Variants in CSMD1 observed in about 807,000 individuals in gnomAD.
The protein encoded by CSMD1 is CUB and Sushi multiple domains 1.
In CSMD1, 213 loss-of-function variants were observed where a neutral mutation model predicts 417.5. That is an observed-to-expected ratio of 0.51 (90% confidence interval 0.46 to 0.57). The LOEUF is 0.57. CSMD1 is among the 20% of genes least tolerant of loss of function. The pLI is 0.00. For missense variants in CSMD1, 6,923 were observed against 4,529.7 expected, an observed-to-expected ratio of 1.53 and a Z score of -15.17; for synonymous variants, 2,862 against 1,736.8, an observed-to-expected ratio of 1.65 and a Z score of -16.11.
intron 2 of CSMD1, among the ~76,000 whole-genome samples, chr8:4,552,973 T>G (rs1698503046): frequency 6.6e-6 from 1 of 152,238 alleles, no homozygotes; most frequent in African/African-American, 2.4e-5. Context: ...CTCTTGTACC[T>G]TGCTTATGTA....
intron 4 of CSMD1, among the ~76,000 whole-genome samples, chr8:4,031,170 C>A (rs981764563): frequency 3.9e-5 from 6 of 152,198 alleles, no homozygotes; most frequent in Non-Finnish European, 7.3e-5. Flanking sequence ...GTCGCTTCCA[C>A]ATCTTTTGGT....
chr8:3,761,646 T>G (rs1430695448), intron 5 of CSMD1, among the ~76,000 whole-genome samples: 3 of 151,880 alleles, frequency 2.0e-5, no homozygotes, highest in African/African-American at 7.3e-5. Flanking sequence ...TCTGGGATTA[T>G]AGGCACAAAC....
At chr8:2,960,562 G>T (rs995015284) in intron 62 of CSMD1, among the ~76,000 whole-genome samples, 1 of 152,166 alleles carries the variant, frequency 6.6e-6, no homozygotes, top group Non-Finnish European at 1.5e-5. Context: ...AACGTTCACT[G>T]AAGTGTTAGT....
chr8:3,995,378 C>T lies in CSMD1; in HGVS notation c.818+2525G>A, dbSNP rs548941188. Among the ~76,000 whole-genome samples, 4 of 145,620 alleles carry T rather than the reference C, an allele frequency of 2.7e-5. No homozygotes were observed. The East Asian group carries it at 8.0e-4, about 29-fold the overall frequency. ...ATAAACATTAAATGTTACACATACA[C>T]ACAAAACACTCTGTTGACCCACGAC... On this transcript the variant is annotated intron_variant, in intron 5 of 69. Transcript: ENST00000635120.
At chr8:3,518,102 A>G (rs563899835) in intron 10 of CSMD1, among the ~76,000 whole-genome samples, 1 of 152,250 alleles carries the variant, frequency 6.6e-6, no homozygotes, top group Non-Finnish European at 1.5e-5. Flanking sequence ...CAATATGACT[A>G]TAGATTATAA....
In CSMD1 at chr8:3,110,247, A is replaced by T. The variant is rs766030782; in HGVS notation, c.6519T>A (p.Ile2173=). 1 of 1,613,542 alleles carries T rather than the reference A, an allele frequency of 6.2e-7. No individual in the cohort carries two copies. The highest frequency in any genetic ancestry group is 8.5e-7 in the Non-Finnish European group (1 of 1,179,724). Residue 2173 remains isoleucine, a synonymous_variant, in exon 43 of 70, where the codon ATT becomes ATA. Transcript: ENST00000635120. ...PDEYPILKDC[I]WLITVPPGHG... ...GCCCTGGAGGCACCGTGATGAGCCA[A>T]ATGCAGTCCTTCAGGATCGGATACT...
At chr8:4,560,158 G>A (rs931093335) in intron 2 of CSMD1, among the ~76,000 whole-genome samples, 4 of 152,186 alleles carry the variant, frequency 2.6e-5, no homozygotes, top group Non-Finnish European at 5.9e-5. Context: ...TGAGAAAACC[G>A]CGCTCATCTC....
chr8:3,523,857 A>G (rs1369493577), intron 10 of CSMD1, among the ~76,000 whole-genome samples: 1 of 150,116 alleles, frequency 6.7e-6, no homozygotes, highest in Admixed American at 6.6e-5. Context: ...GTGCATGCGC[A>G]TGCACACACT....
At chr8:3,939,958 T>C (rs1810763859) in intron 5 of CSMD1, among the ~76,000 whole-genome samples, 1 of 151,972 alleles carries the variant, frequency 6.6e-6, no homozygotes, top group Non-Finnish European at 1.5e-5. Context: ...AAATCACCAC[T>C]AAAGAACTTA....
chr8:3,436,519 A>T (rs954890627), intron 12 of CSMD1, among the ~76,000 whole-genome samples: 14 of 152,306 alleles, frequency 9.2e-5, no homozygotes, highest in African/African-American at 3.1e-4. Flanking sequence ...AATTAAGTGT[A>T]ATGTTTAGTG....
chr8:4,665,720 G>A lies in CSMD1; in HGVS notation c.86-28162C>T, dbSNP rs529059413. ...TCTATTCCTCTTTGTTCTGAGTAGTGCTCTATGGTATGAATATTAAACAAT... is the reference window on the plus strand; with the variant it reads ...TCTATTCCTCTTTGTTCTGAGTAGTACTCTATGGTATGAATATTAAACAAT... On this transcript the variant is annotated intron_variant, in intron 1 of 69. Transcript: ENST00000635120. Among the ~76,000 whole-genome samples the A allele has an allele frequency of 1.4e-4, 21 of 152,238 alleles. No homozygotes were observed. The South Asian group carries it at 4.1e-3, about 30-fold the overall frequency.
chr8:4,978,936 G>C (rs1810720149), intron 1 of CSMD1, among the ~76,000 whole-genome samples: 1 of 152,170 alleles, frequency 6.6e-6, no homozygotes, highest in African/African-American at 2.4e-5. Context: ...ATTGGGAACA[G>C]TCAGCACAAA....
At chr8:4,633,649 C>T (rs1001954215) in intron 2 of CSMD1, among the ~76,000 whole-genome samples, 17 of 152,082 alleles carry the variant, frequency 1.1e-4, no homozygotes, top group Admixed American at 1.1e-3. Context: ...CTCCATTTCC[C>T]AGGTTCAAGT....
chr8:3,914,829 A>G (rs1186551765), intron 5 of CSMD1, among the ~76,000 whole-genome samples: 1 of 151,970 alleles, frequency 6.6e-6, no homozygotes, highest in Non-Finnish European at 1.5e-5. Flanking sequence ...GAGTGTCCTT[A>G]TGCTAGAATG....
chr8:4,803,593 G>A (rs1283679403), intron 1 of CSMD1, among the ~76,000 whole-genome samples: 3 of 152,066 alleles, frequency 2.0e-5, no homozygotes, highest in Non-Finnish European at 2.9e-5. Context: ...TTCTACTATT[G>A]TTTTGTAGAT....
chr8:4,568,274 C>A (rs1161122266), intron 2 of CSMD1, among the ~76,000 whole-genome samples: 1 of 152,020 alleles, frequency 6.6e-6, no homozygotes, highest in Non-Finnish European at 1.5e-5. Context: ...CTATGCTATC[C>A]CTCCCCTTAC....
chr8:3,100,580 G>A (rs1037262605), intron 46 of CSMD1, among the ~76,000 whole-genome samples: 1 of 150,704 alleles, frequency 6.6e-6, no homozygotes, highest in African/African-American at 2.4e-5. Context: ...TCTCACCATA[G>A]GGGAGCACCT....
At chr8:2,952,911 T>C (rs1400357755) in intron 65 of CSMD1, among the ~76,000 whole-genome samples, 1 of 152,184 alleles carries the variant, frequency 6.6e-6, no homozygotes, top group Non-Finnish European at 1.5e-5. Flanking sequence ...TTTCACTTGT[T>C]GCTGGCAGCC....
rs1199476726 is a variant in CSMD1 at position 2,938,251 on chromosome 8, G to T, written c.*334C>A. The T allele has an allele frequency of 4.3e-6, 1 of 234,152 alleles. No homozygotes were observed. The highest frequency in any genetic ancestry group is 2.2e-5 in the African/African-American group (1 of 44,596). 14.5% of individuals were successfully genotyped at this position (234,152 alleles called of 1,614,324 possible). ...CGAGCCCAGACGATTGCATTGAAAG[G>T]CATCTCAGCAACACAGAAATATGAA... On this transcript the variant is annotated 3_prime_UTR_variant, in exon 70 of 70. Coordinates refer to ENST00000635120, the MANE Select transcript of CSMD1 (RefSeq NM_033225.6).
Sources: gnomAD v4.1 joint callset for allele counts (sites outside exome capture counted in the v4.1 genomes callset) on GRCh38, gnomAD v4.1.1 for gene constraint, MANE v1.5 for transcripts, NCBI Gene and HGNC (gene_info 2026-07-23, HGNC 2026-07-21) for gene names.